HERC3: variants seen among roughly 807,000 people sequenced by gnomAD.
HERC3 encodes HECT and RLD domain containing E3 ubiquitin protein ligase 3, also known as probable E3 ubiquitin-protein ligase HERC3.
HERC3 carries 58 observed loss-of-function variants against 129.9 expected under a neutral mutation model. That is an observed-to-expected ratio of 0.45 (90% confidence interval 0.36 to 0.56). HERC3 has a LOEUF of 0.56. HERC3 is among the 20% of genes least tolerant of loss of function. HERC3 has a pLI of 0.00. For missense variants in HERC3, 835 were observed against 1,244.2 expected, an observed-to-expected ratio of 0.67 and a Z score of 4.95; for synonymous variants, 430 against 451.0, an observed-to-expected ratio of 0.95 and a Z score of 0.59.
chr4:88,616,924 T>C (rs1245751251), intron 3 of HERC3, among the ~76,000 whole-genome samples: 2 of 152,102 alleles, frequency 1.3e-5, no homozygotes, highest in Non-Finnish European at 1.5e-5. Context: ...TCTAGCCTAC[T>C]AGTGTGGGTG....
At chr4:88,650,726 G>A (rs1729179788) in intron 4 of HERC3, among the ~76,000 whole-genome samples, 1 of 152,148 alleles carries the variant, frequency 6.6e-6, no homozygotes, top group African/African-American at 2.4e-5. Context: ...CTTTGTAATT[G>A]TTTATTTAAT....
chr4:88,558,841 G>A, the HERC3 span, among the ~76,000 whole-genome samples: 2 of 151,688 alleles, frequency 1.3e-5, no homozygotes, highest in East Asian at 1.9e-4. Context: ...GATGGTGGGC[G>A]CCTGTAGTCC....
intron 3 of HERC3, among the ~76,000 whole-genome samples, chr4:88,613,616 C>T (rs530727296): frequency 6.6e-6 from 1 of 152,322 alleles, no homozygotes; most frequent in South Asian, 2.1e-4. Context: ...GAAAAGCAAA[C>T]CAGCTGAGCT....
chr4:88,692,523 G>T (rs145397948), intron 23 of HERC3, among the ~76,000 whole-genome samples: 2 of 152,172 alleles, frequency 1.3e-5, no homozygotes, highest in Non-Finnish European at 2.9e-5. Context: ...CTTCAGGACC[G>T]CTGGCAGACT....
chr4:88,625,655 A>T (rs1258465471), intron 3 of HERC3, among the ~76,000 whole-genome samples: 2 of 152,054 alleles, frequency 1.3e-5, no homozygotes, highest in African/African-American at 4.8e-5. Context: ...CACTTGGCTT[A>T]TTTCACTCAT....
At chr4:88,665,695 C>G (rs1469502326) in intron 12 of HERC3, among the ~76,000 whole-genome samples, 1 of 152,170 alleles carries the variant, frequency 6.6e-6, no homozygotes, top group African/African-American at 2.4e-5. Flanking sequence ...TCACCACCCC[C>G]TCCCCACAAA....
chr4:88,601,601 T>G (rs1722972120), intron 2 of HERC3, among the ~76,000 whole-genome samples: 2 of 152,230 alleles, frequency 1.3e-5, no homozygotes, highest in South Asian at 4.1e-4. Flanking sequence ...GAATCCATCC[T>G]CTTTTCATTA....
chr4:88,638,066 C>T (rs959892444), intron 3 of HERC3, among the ~76,000 whole-genome samples: 2 of 152,182 alleles, frequency 1.3e-5, no homozygotes, highest in African/African-American at 4.8e-5. Flanking sequence ...CTGAATAGAG[C>T]AGTAACCAGT....
At chr4:88,568,200 G>A in the HERC3 span, among the ~76,000 whole-genome samples, 2 of 152,206 alleles carry the variant, frequency 1.3e-5, no homozygotes, top group African/African-American at 2.4e-5. Context: ...TAGTGTGGAC[G>A]GTGGCCATGA....
At chr4:88,662,303 C>A in intron 10 of HERC3, 128 bp from the exon 11 acceptor site, 1 of 873,804 alleles carries the variant, frequency 1.1e-6, no homozygotes, top group Non-Finnish European at 1.7e-6. Flanking sequence ...TGGAGGGGAT[C>A]TGGGCGGCAC....
At chr4:88,575,094 A>G in the HERC3 span, among the ~76,000 whole-genome samples, 2 of 152,194 alleles carry the variant, frequency 1.3e-5, no homozygotes, top group African/African-American at 2.4e-5. Context: ...GGTCTCCTTT[A>G]TCAAATCTGA....
At chr4:88,686,842 C>T in intron 22 of HERC3, 40 bp downstream of exon 22, 3 of 1,363,998 alleles carry the variant, frequency 2.2e-6, no homozygotes, top group Non-Finnish European at 3.1e-6. Context: ...GTGGCTGTCT[C>T]TCTTACCATC....
chr4:88,592,897 C>T (rs535662312), intron 1 of HERC3, among the ~76,000 whole-genome samples: 1 of 152,114 alleles, frequency 6.6e-6, no homozygotes, highest in African/African-American at 2.4e-5. Flanking sequence ...CGCCCGCGCT[C>T]GGCCGCCCTC....
intron 16 of HERC3, among the ~76,000 whole-genome samples, chr4:88,670,664 GA>G (rs11304726): frequency 0.37 from 56,549 of 151,900 alleles, 12,449 homozygotes; most frequent in African/African-American, 0.6. Context: ...TAACACTGCT[GA>G]AAGTGTACAC....
the HERC3 span, among the ~76,000 whole-genome samples, chr4:88,587,304 G>T: frequency 6.6e-6 from 1 of 152,166 alleles, no homozygotes; most frequent in African/African-American, 2.4e-5. Context: ...AAAGGTACAG[G>T]TTTATTCAGG....
chr4:88,685,085 C>T (rs1262557684), intron 21 of HERC3: 1 of 152,154 alleles, frequency 6.6e-6, no homozygotes, highest in Non-Finnish European at 1.5e-5. Flanking sequence ...ATTAAAAAGT[C>T]AGGAAACAAC....
At chr4:88,582,451 C>G in the HERC3 span, among the ~76,000 whole-genome samples, 3 of 152,050 alleles carry the variant, frequency 2.0e-5, no homozygotes, top group East Asian at 5.8e-4. Context: ...GAACCAAGGT[C>G]TCTCTCTCTC....
the HERC3 span, among the ~76,000 whole-genome samples, chr4:88,558,089 A>AAG: frequency 6.7e-6 from 1 of 148,304 alleles, no homozygotes; most frequent in African/African-American, 2.5e-5. Flanking sequence ...AAAAAAAAAA[A>AAG]AAAAAAGAAA....
the HERC3 span, among the ~76,000 whole-genome samples, chr4:88,542,063 A>G: frequency 1.3e-5 from 2 of 152,220 alleles, no homozygotes; most frequent in African/African-American, 4.8e-5. Flanking sequence ...AAACACATTC[A>G]AAAGCTAGCA....
Sources: gnomAD v4.1 joint callset for allele counts (sites outside exome capture counted in the v4.1 genomes callset) on GRCh38, gnomAD v4.1.1 for gene constraint, MANE v1.5 for transcripts, NCBI Gene and HGNC (gene_info 2026-07-23, HGNC 2026-07-21) for gene names.